Variants in CFAP47 observed in about 807,000 individuals in gnomAD.
The protein encoded by CFAP47 is cilia and flagella associated protein 47.
Under a neutral mutation model 148.1 loss-of-function variants are expected in CFAP47, and 29 were observed. That is an observed-to-expected ratio of 0.20 (90% confidence interval 0.15 to 0.27). The LOEUF is 0.27. CFAP47 is among the 10% of genes least tolerant of loss of function. The pLI, the probability that CFAP47 is intolerant of heterozygous loss-of-function variation, is 1.00. For synonymous variants in CFAP47, 664 were observed against 577.3 expected (o/e 1.15, Z -2.15); for missense variants, 1,872 against 1,697.5 (o/e 1.10, Z -1.81).
intron 33 of CFAP47, among the ~76,000 whole-genome samples, chrX:36,114,048 G>A (rs965355511): frequency 1.8e-5 from 2 of 110,642 alleles, no homozygotes; most frequent in African/African-American, 6.6e-5. Flanking sequence ...CTGACCTCGT[G>A]ATCTGCCCGC....
chrX:36,070,576 C>A (rs1937730347), intron 27 of CFAP47, among the ~76,000 whole-genome samples: 1 of 107,144 alleles, frequency 9.3e-6, no homozygotes, highest in Non-Finnish European at 1.9e-5. Context: ...CAGCTCACCT[C>A]CACCTCCTGG....
chrX:36,145,172 T>G, intron 35 of CFAP47, 47 bp from the exon 36 acceptor site: 1 of 299,016 alleles, frequency 3.3e-6, no homozygotes, highest in Non-Finnish European at 5.8e-6. Flanking sequence ...TATGTAGAAC[T>G]CTAACTAATG....
At chrX:35,971,499 G>A in intron 11 of CFAP47, 87 bp from the exon 12 acceptor site, 1 of 576,247 alleles carries the variant, frequency 1.7e-6, no homozygotes, top group Non-Finnish European at 2.6e-6. Context: ...GCAGCAATAT[G>A]CACTATGGGA....
chrX:36,176,024 C>T (rs932879794), intron 39 of CFAP47, among the ~76,000 whole-genome samples: 10 of 111,574 alleles, frequency 9.0e-5, no homozygotes, highest in South Asian at 7.5e-4. Flanking sequence ...TTAAGCCCAT[C>T]GGAAAAGCGC....
intron 56 of CFAP47, among the ~76,000 whole-genome samples, chrX:36,317,604 G>C (rs1374840731): frequency 1.9e-5 from 2 of 102,587 alleles, no homozygotes; most frequent in Non-Finnish European, 4.0e-5. Flanking sequence ...ATTTTTAGTA[G>C]AGACGGGGTT....
At chrX:35,938,768 C>G (rs1408588107) in intron 2 of CFAP47, among the ~76,000 whole-genome samples, 2 of 111,730 alleles carry the variant, frequency 1.8e-5, no homozygotes, top group Non-Finnish European at 3.8e-5. Context: ...GGTAAAATTA[C>G]AGCAGTTGTT....
intron 45 of CFAP47, among the ~76,000 whole-genome samples, chrX:36,216,081 C>T (rs1260925453): frequency 2.7e-5 from 3 of 111,776 alleles, no homozygotes; most frequent in South Asian, 3.9e-4. Context: ...ACAAACCTCT[C>T]TTGGTGGGCA....
At chrX:36,160,897 G>A in intron 39 of CFAP47, 128 bp downstream of exon 39, 1 of 232,465 alleles carries the variant, frequency 4.3e-6, no homozygotes, top group East Asian at 6.2e-5. Context: ...TGGTCAGGCT[G>A]GAGTACAGTA....
intron 49 of CFAP47, among the ~76,000 whole-genome samples, chrX:36,266,421 G>A (rs1402992625): frequency 1.8e-5 from 2 of 111,270 alleles, no homozygotes; most frequent in East Asian, 5.7e-4. Context: ...GCACAGCATG[G>A]GCACTATTTG....
intron 51 of CFAP47, among the ~76,000 whole-genome samples, chrX:36,293,918 G>A (rs1283921439): frequency 5.4e-5 from 6 of 111,405 alleles, no homozygotes; most frequent in African/African-American, 2.0e-4. Flanking sequence ...CACAGAGGGA[G>A]GGAAGGTGGT....
At chrX:36,065,944 G>A (rs760224043) in intron 27 of CFAP47, among the ~76,000 whole-genome samples, 24 of 112,164 alleles carry the variant, frequency 2.1e-4, no homozygotes, top group African/African-American at 7.8e-4. Context: ...AATGATTTGG[G>A]CAAAAGACAA....
chrX:36,365,426 G>A (rs1556020098), intron 61 of CFAP47, among the ~76,000 whole-genome samples: 1 of 110,342 alleles, frequency 9.1e-6, no homozygotes, highest in Non-Finnish European at 1.9e-5. Context: ...TTTCTCCAGA[G>A]GAAAGTACCA....
In CFAP47 at chrX:36,240,069, A is replaced by G. The variant is rs1174538046; in HGVS notation, c.7332+3210A>G. 2.7e-5 allele frequency among the ~76,000 whole-genome samples: 3 copies of G among 112,229 alleles called. No homozygotes were observed. In the Admixed American group the frequency reaches 2.8e-4, roughly 11 times the overall value. On this transcript the variant is annotated intron_variant, in intron 48 of 63. Transcript: ENST00000378653. Reference sequence around the variant, plus strand: ...TACAGACTTTACAGAATTAGTTCAGAAAAGTCACTAAACCATAAAAGAACA... The same window carrying G: ...TACAGACTTTACAGAATTAGTTCAGGAAAGTCACTAAACCATAAAAGAACA...
chrX:36,002,494 G>A (rs147388792), intron 21 of CFAP47, among the ~76,000 whole-genome samples: 2,444 of 110,620 alleles, frequency 0.022, 80 homozygotes, highest in African/African-American at 0.076. Flanking sequence ...AGGCAGGAGA[G>A]TCGCTTGAAC....
At chrX:36,136,150 C>A (rs987730978) in intron 33 of CFAP47, among the ~76,000 whole-genome samples, 3 of 110,099 alleles carry the variant, frequency 2.7e-5, no homozygotes, top group Non-Finnish European at 5.7e-5. Flanking sequence ...ATAATGAATT[C>A]TGTGGTCCTG....
Position 36,306,827 on chromosome X carries a change from C to T in CFAP47, c.8138C>T (p.Ala2713Val). The T allele has an allele frequency of 8.6e-7, 1 of 1,159,036 alleles. No individual in the cohort carries two copies. The highest frequency in any genetic ancestry group is 1.2e-6 in the Non-Finnish European group (1 of 866,468). Residue 2713 changes from alanine to valine, a missense_variant, in exon 55 of 64, where the codon GCA (alanine) becomes GTA (valine). Ala to Val is a moderately conservative substitution (Grantham distance 64). Coordinates refer to ENST00000378653, the MANE Select transcript of CFAP47 (RefSeq NM_001304548.2). ...TTACCTGTTCTCTTTTATCCTTCTG[C>T]ACTTGGAAGAGCTGATCATCAAGCT... ...TELPVLFYPS[A>V]LGRADHQACI...
At chrX:36,244,313 G>A (rs1185007915) in intron 48 of CFAP47, among the ~76,000 whole-genome samples, 3 of 111,029 alleles carry the variant, frequency 2.7e-5, no homozygotes, top group Admixed American at 1.9e-4. Flanking sequence ...ATTTAACTTT[G>A]CACCCAGTGA....
intron 48 of CFAP47, among the ~76,000 whole-genome samples, chrX:36,247,811 T>A (rs1238397099): frequency 9.0e-6 from 1 of 111,447 alleles, no homozygotes; most frequent in Non-Finnish European, 1.9e-5. Flanking sequence ...AGTTTTCTTG[T>A]CTGCATTATA....
rs1482569071 is a variant in CFAP47, at chrX:36,310,506, A to T, written c.8188-327A>T. 1.2e-4 allele frequency among the ~76,000 whole-genome samples: 7 copies of T among 58,459 alleles called. No individual in the cohort carries two copies. In the East Asian group the frequency reaches 2.4e-3, roughly 20 times the overall value. The allele number at this position is 58,459 out of a possible 115,157, so 50.8% of individuals were successfully genotyped here. A position where few individuals can be genotyped will look rare whatever the true frequency, so the allele number is the denominator to read the frequency against. ...GCAGTGTTTGGTATCAAGTTTGTTA[A>T]AAAAAAAAAAACTTGAACAGAAGTG... On this transcript the variant is annotated intron_variant, in intron 55 of 63. Transcript: ENST00000378653.
Sources: allele counts gnomAD v4.1 joint callset (sites outside exome capture counted in the v4.1 genomes callset), GRCh38; gene constraint gnomAD v4.1.1; transcripts MANE v1.5; gene names NCBI Gene and HGNC (gene_info 2026-07-23, HGNC 2026-07-21).